The following NLRC5 variants were observed in gnomAD, a reference collection of about 807,000 sequenced individuals.
The protein encoded by NLRC5 is protein NLRC5.
Under a neutral mutation model 206.9 loss-of-function variants are expected in NLRC5, and 114 were observed. The ratio of observed to expected loss-of-function variants is 0.55; its 90% CI spans 0.47 to 0.64. NLRC5 has a LOEUF of 0.64. NLRC5 is among the 30% of genes least tolerant of loss of function. NLRC5 has a pLI of 0.00. For synonymous variants in NLRC5, 952 were observed against 962.8 expected (o/e 0.99, Z 0.21); for missense variants, 2,008 against 2,305.5 (o/e 0.87, Z 2.64).
intron 1 of NLRC5, among the ~76,000 whole-genome samples, chr16:57,000,879 A>G (rs181778057): frequency 6.6e-6 from 1 of 152,274 alleles, no homozygotes; most frequent in Admixed American, 6.5e-5. Context: ...CCTCCCAGAA[A>G]GAGACCAGTG....
chr16:57,060,915 G>A (rs1311414427), intron 30 of NLRC5, among the ~76,000 whole-genome samples: 5 of 152,216 alleles, frequency 3.3e-5, no homozygotes, highest in African/African-American at 9.7e-5. Flanking sequence ...GCCACCCAGG[G>A]CTGAGATGCC....
chr16:57,021,563 A>G (rs2060672006), intron 3 of NLRC5, among the ~76,000 whole-genome samples: 1 of 152,126 alleles, frequency 6.6e-6, no homozygotes, highest in Non-Finnish European at 1.5e-5. Flanking sequence ...TAGAGACAGG[A>G]CATCACTGTG....
At chr16:57,050,839 C>G (rs1044906132) in intron 23 of NLRC5, among the ~76,000 whole-genome samples, 2 of 152,070 alleles carry the variant, frequency 1.3e-5, no homozygotes, top group African/African-American at 4.8e-5. Context: ...TGGGTTAAGG[C>G]AGCATTGTTT....
chr16:57,060,024 G>GTTATTATTATTATTA (rs3995823), intron 30 of NLRC5, among the ~76,000 whole-genome samples: 5 of 144,884 alleles, frequency 3.5e-5, no homozygotes, highest in African/African-American at 1.3e-4. Context: ...TATTGTAACT[G>GTTATTATTATTATTA]TTATTATTAT....
At position 57,055,417 on chromosome 16, in the gene NLRC5, C is replaced by T. The variant is rs371823243; in HGVS notation, c.3660-16C>T. On this transcript the variant is annotated splice_polypyrimidine_tract_variant and intron_variant, in intron 26 of 48. Transcript: ENST00000688547. ...AAACGCCCCATCCCCTGCTTGTCCC[C>T]TTTACCTCCGTCCAGCAGGTTCACA... The T allele has an allele frequency of 2.3e-5, 37 of 1,612,790 alleles. No homozygotes were observed. The highest frequency in any genetic ancestry group is 1.4e-5 in the Non-Finnish European group (16 of 1,179,220).
intron 42 of NLRC5, 56 bp from the exon 43 acceptor site, chr16:57,077,887 C>A (rs569493481): frequency 6.2e-7 from 1 of 1,605,602 alleles, no homozygotes; most frequent in South Asian, 1.1e-5. Context: ...CAGGGCAGGG[C>A]GGGGGTCCCG....
intron 27 of NLRC5, 144 bp from the exon 28 acceptor site, chr16:57,057,921 T>G (rs2065901691): frequency 1.5e-6 from 1 of 682,962 alleles, no homozygotes; most frequent in African/African-American, 1.8e-5. Context: ...GTGATACTGG[T>G]GATGGTGGTG....
At chr16:57,074,906 G>T (rs540546707) in intron 39 of NLRC5, among the ~76,000 whole-genome samples, 1 of 150,638 alleles carries the variant, frequency 6.6e-6, no homozygotes, top group African/African-American at 2.4e-5. Context: ...TTAGGCCCAC[G>T]TCGTAGAACA....
At chr16:57,075,418 C>T (rs1233603324) in intron 39 of NLRC5, among the ~76,000 whole-genome samples, 7 of 152,230 alleles carry the variant, frequency 4.6e-5, no homozygotes, top group Non-Finnish European at 1.0e-4. Flanking sequence ...CAGTGTTTCT[C>T]CATGTTGGTC....
chr16:57,044,745 C>T (rs1014489756), intron 20 of NLRC5, among the ~76,000 whole-genome samples: 9 of 151,524 alleles, frequency 5.9e-5, no homozygotes, highest in Non-Finnish European at 1.3e-4. Flanking sequence ...ATGGTGAGAC[C>T]CCCCCATCTC....
At chr16:57,061,758 G>T (rs2066521238) in intron 32 of NLRC5, 57 bp downstream of exon 32, 16 of 1,574,438 alleles carry the variant, frequency 1.0e-5, no homozygotes, top group Middle Eastern at 3.4e-4. Context: ...GAGCAGGGGT[G>T]GGCACTGGAG....
chr16:57,049,752 A>G (rs528162540), intron 23 of NLRC5, among the ~76,000 whole-genome samples: 2 of 151,550 alleles, frequency 1.3e-5, no homozygotes, highest in African/African-American at 4.8e-5. Context: ...AAATAAATAA[A>G]TAAATAAATA....
chr16:57,026,288 C>A lies in NLRC5; in HGVS notation c.1345C>A (p.Pro449Thr), dbSNP rs201280147. 1.5e-5 allele frequency: 25 copies of A among 1,613,968 alleles called. No individual in the cohort carries two copies. The highest frequency in any genetic ancestry group is 1.3e-4 in the East Asian group (6 of 44,896). ...GCAGATGGTGCTCGCCCTCAGCCCC[C>A]CTGGGCACTTGCCCACCTCGTCCCT... ...YMQMVLALSP[P>T]GHLPTSSLLD... is the part of the protein sequence containing the mutation. Residue 449 changes from proline to threonine, a missense_variant, in exon 6 of 49, where the codon CCT (proline) becomes ACT (threonine). Coordinates refer to ENST00000688547, the MANE Select transcript of NLRC5 (RefSeq NM_001384950.1).
chr16:57,071,073 A>AGAGTGGTGATGGTGGTTAATGGGGAAGT (rs1597440164), intron 38 of NLRC5, among the ~76,000 whole-genome samples: 11 of 63,408 alleles, frequency 1.7e-4, no homozygotes, highest in African/African-American at 3.9e-4. Flanking sequence ...AATGGGGAAG[A>AGAGTGGTGATGGTGGTTAATGGGGAAGT]GTTGTGAGTG....
rs559742517 is a variant in NLRC5, at chr16:57,023,270, A to G, written c.356-515A>G. ...TCTCAAACTCTTCCAGAAAGGCATT[A>G]AAGTGATTGTTGAAAATCCATACAA... On this transcript the variant is annotated intron_variant, in intron 4 of 48. Transcript: ENST00000688547. Among the ~76,000 whole-genome samples the G allele has an allele frequency of 2.0e-5, 3 of 152,306 alleles. No individual in the cohort carries two copies. The East Asian group carries it at 5.8e-4, about 29-fold the overall frequency.
At chr16:57,037,528 C>T (rs1260092855) in intron 15 of NLRC5, among the ~76,000 whole-genome samples, 1 of 152,074 alleles carries the variant, frequency 6.6e-6, no homozygotes, top group East Asian at 1.9e-4. Context: ...AGGGTACAAC[C>T]CCCACTTTCC....
At chr16:57,021,303 T>G (rs1427367032) in intron 3 of NLRC5, among the ~76,000 whole-genome samples, 2 of 152,014 alleles carry the variant, frequency 1.3e-5, no homozygotes, top group Non-Finnish European at 2.9e-5. Flanking sequence ...TTTCTTCTTT[T>G]TTGGCGGGGG....
At chr16:56,997,639 A>G (rs915215853) in intron 1 of NLRC5, among the ~76,000 whole-genome samples, 10 of 152,070 alleles carry the variant, frequency 6.6e-5, no homozygotes, top group Admixed American at 2.0e-4. Context: ...CAGTCACAAT[A>G]TCACGGCTTA....
Position 57,060,053 on chromosome 16 carries a change from T to TATTATC in NLRC5, c.3986+532_3986+537dup, listed in dbSNP as rs1220298903. On this transcript the variant is annotated intron_variant, in intron 30 of 48. Transcript: ENST00000688547. ...TTATTATTATTATTATTATTATTAT[T>TATTATC]ATTATCATTATCATTACCCCTGGTA... is the stretch of plus-strand genomic sequence containing the variant. 1.9e-3 allele frequency among the ~76,000 whole-genome samples: 271 copies of TATTATC among 143,662 alleles called. 2 individuals are homozygous for TATTATC. The highest frequency in any genetic ancestry group is 7.1e-3 in the African/African-American group (266 of 37,376). 94.2% of individuals were successfully genotyped at this position (143,662 alleles called of 152,430 possible).
Sources: allele counts gnomAD v4.1 joint callset (sites outside exome capture counted in the v4.1 genomes callset), GRCh38; gene constraint gnomAD v4.1.1; transcripts MANE v1.5; gene names NCBI Gene and HGNC (gene_info 2026-07-23, HGNC 2026-07-21).